RBM6: variants seen among roughly 807,000 people sequenced by gnomAD.
The protein encoded by RBM6 is RNA binding motif protein 6.
In RBM6, 23 loss-of-function variants were observed where a neutral mutation model predicts 140.4. That is an observed-to-expected ratio of 0.16 (90% confidence interval 0.12 to 0.23). The LOEUF (loss-of-function observed/expected upper bound fraction) is 0.23, where lower values mean the gene tolerates loss of function less well. RBM6 is among the 10% of genes least tolerant of loss of function. The pLI, the probability that RBM6 is intolerant of heterozygous loss-of-function variation, is 1.00. For synonymous variants in RBM6, 439 were observed against 475.6 expected, an observed-to-expected ratio of 0.92 and a Z score of 1.00; for missense variants, 1,139 against 1,386.7, an observed-to-expected ratio of 0.82 and a Z score of 2.84.
At chr3:50,019,709 A>G (rs1176356903) in intron 6 of RBM6, among the ~76,000 whole-genome samples, 2 of 152,128 alleles carry the variant, frequency 1.3e-5, no homozygotes, top group Non-Finnish European at 2.9e-5. Flanking sequence ...TAGTGGGAAG[A>G]AAGCATCTAG....
Position 50,066,365 on chromosome 3 carries a change from C to T in RBM6, c.2806C>T (p.Arg936Ter). The T allele has an allele frequency of 6.2e-7, 1 of 1,613,992 alleles. No individual in the cohort carries two copies. The highest frequency in any genetic ancestry group is 8.5e-7 in the Non-Finnish European group (1 of 1,180,026). ...GCCCCGCACAGCACAGCCCCAGAAG[C>T]GAGAGGAGCAAACCAAGAAGGAGAA... ...PQPRTAQPQK[R>*]EEQTKKENEE... Residue 936 changes from arginine to a stop codon, truncating the protein, a stop_gained, in exon 17 of 21, where the codon CGA becomes TGA. Transcript: ENST00000266022. LOFTEE classifies it high-confidence loss of function.
chr3:50,056,840 A>G (rs1177728583), intron 8 of RBM6, among the ~76,000 whole-genome samples: 1 of 152,236 alleles, frequency 6.6e-6, no homozygotes, highest in Non-Finnish European at 1.5e-5. Context: ...TAAATCATTT[A>G]TATTTTGAAG....
chr3:49,960,703 G>A (rs1181478667), intron 1 of RBM6, among the ~76,000 whole-genome samples: 1 of 152,100 alleles, frequency 6.6e-6, no homozygotes. Flanking sequence ...TGTCTTCAAA[G>A]CAATGACTGT....
At chr3:49,979,189 G>A (rs1019989744) in intron 5 of RBM6, among the ~76,000 whole-genome samples, 7 of 152,122 alleles carry the variant, frequency 4.6e-5, no homozygotes, top group Non-Finnish European at 8.8e-5. Context: ...CAAATATTGT[G>A]CAATTCAGTT....
intron 6 of RBM6, among the ~76,000 whole-genome samples, chr3:50,027,186 A>G (rs903677576): frequency 6.6e-6 from 1 of 152,116 alleles, no homozygotes; most frequent in East Asian, 1.9e-4. Context: ...GTGTTCACTT[A>G]GAGGCTTGGG....
chr3:50,027,109 G>A (rs2108811284), intron 6 of RBM6, among the ~76,000 whole-genome samples: 1 of 152,226 alleles, frequency 6.6e-6, no homozygotes, highest in South Asian at 2.1e-4. Flanking sequence ...TAAGAATTGG[G>A]ATGTGATAAG....
rs780585508 is a variant in RBM6 at position 50,058,574 on chromosome 3, C to T, written c.2130+12C>T. The stretch of plus-strand genomic sequence containing the variant: ...TCGACTCCCATGCGGTGAGTTTCCT[C>T]CACCTTGGATTGGCCTAGAGACAGA... On this transcript the variant is annotated intron_variant, in intron 10 of 20. Transcript: ENST00000266022. The T allele has an allele frequency of 6.3e-6, 10 of 1,593,508 alleles. No individual in the cohort carries two copies. Among genetic ancestry groups the T allele is most frequent in the Admixed American group, 1.7e-5 (1 of 59,954 alleles).
At chr3:50,027,345 A>G (rs2087899649) in intron 6 of RBM6, among the ~76,000 whole-genome samples, 1 of 152,178 alleles carries the variant, frequency 6.6e-6, no homozygotes, top group Admixed American at 6.6e-5. Context: ...ATTGAGGTAT[A>G]ATCCACATAA....
At chr3:50,017,792 T>G (rs2087248898) in intron 6 of RBM6, among the ~76,000 whole-genome samples, 1 of 152,210 alleles carries the variant, frequency 6.6e-6, no homozygotes, top group African/African-American at 2.4e-5. Context: ...GCAATTCCAT[T>G]TGTCTGTTTT....
intron 6 of RBM6, among the ~76,000 whole-genome samples, chr3:50,038,187 A>G (rs762432799): frequency 2.6e-5 from 4 of 152,012 alleles, no homozygotes; most frequent in Non-Finnish European, 4.4e-5. Flanking sequence ...TGCCTGGGGA[A>G]TACTGTGCAG....
chr3:49,967,314 AC>A lies in RBM6; in HGVS notation c.45-155del, dbSNP rs1282235365. ...CGCCACTTCGTCTTAAAATAGCAAA[AC>A]TTTGCTGTTTTCTGCAGATCTAGGA... On this transcript the variant is annotated intron_variant, in intron 2 of 20. Coordinates refer to ENST00000266022, the MANE Select transcript of RBM6 (RefSeq NM_005777.3). This position sits in a 1 kb window ranked among gnomAD's most constrained non-coding sequence, Gnocchi z 4.0. The A allele has an allele frequency of 2.4e-5, 34 of 1,417,396 alleles. No individual in the cohort carries two copies. Among genetic ancestry groups the A allele is most frequent in the Middle Eastern group, 2.6e-4 (1 of 3,820 alleles). 87.8% of individuals were successfully genotyped at this position (1,417,396 alleles called of 1,614,324 possible).
intron 5 of RBM6, among the ~76,000 whole-genome samples, chr3:49,984,282 A>C (rs1192064232): frequency 6.6e-6 from 1 of 151,932 alleles, no homozygotes; most frequent in Non-Finnish European, 1.5e-5. Context: ...CAGCATGGGC[A>C]ACAGAGAGAG....
In RBM6 at chr3:49,968,479, G is replaced by A. The variant is rs1428240969; in HGVS notation, c.1054G>A (p.Glu352Lys). 1.9e-6 allele frequency: 3 copies of A among 1,614,192 alleles called. No homozygotes were observed. Among genetic ancestry groups the A allele is most frequent in the East Asian group, 2.2e-5 (1 of 44,886 alleles). Residue 352 changes from glutamate (E) to lysine (K), a missense_variant, in exon 3 of 21, where the codon GAG (glutamate) becomes AAG (lysine). Glu to Lys is a moderately conservative substitution (Grantham distance 56, BLOSUM62 1). Around this residue, in one of 9 missense-constraint regions of RBM6, gnomAD observed 566 missense variants for 612.7 expected, o/e 0.92. Coordinates refer to ENST00000266022, the MANE Select transcript of RBM6 (RefSeq NM_005777.3). ...AACACAAGGTGTAGCCTTTGAACAT[G>A]AGTCTCCAGCAGACTTTCAGAACAG... ...GETQGVAFEHESPADFQNSQS... is the reference protein window; with the variant it reads ...GETQGVAFEHKSPADFQNSQS...
Position 49,967,277 on chromosome 3 carries a change from A to G in RBM6, c.45-193A>G, listed in dbSNP as rs996447090. 2.5e-5 allele frequency: 34 copies of G among 1,374,228 alleles called. No individual in the cohort carries two copies. Among genetic ancestry groups the G allele is most frequent in the Non-Finnish European group, 3.1e-5 (33 of 1,066,598 alleles). 85.1% of individuals were successfully genotyped at this position (1,374,228 alleles called of 1,614,324 possible). A position where few individuals can be genotyped will look rare whatever the true frequency, so the allele number is the denominator to read the frequency against. ...TCCTCGTGTTCTGAAATGGGAGCAT[A>G]AAAGTTTACTCCGCCACTTCGTCTT... On this transcript the variant is annotated intron_variant, in intron 2 of 20. Coordinates refer to ENST00000266022, the MANE Select transcript of RBM6 (RefSeq NM_005777.3). This position sits in a 1 kb window ranked among gnomAD's most constrained non-coding sequence, Gnocchi z 4.0.
At chr3:50,076,812 G>T (rs2090475118) in intron 20 of RBM6, among the ~76,000 whole-genome samples, 196 bp from the exon 21 acceptor site, 1 of 151,796 alleles carries the variant, frequency 6.6e-6, no homozygotes, top group Admixed American at 6.6e-5. Flanking sequence ...TTGAACCGGG[G>T]AGGCAGACTT....
chr3:49,973,423 T>C (rs1212300662), intron 4 of RBM6, among the ~76,000 whole-genome samples: 1 of 152,080 alleles, frequency 6.6e-6, no homozygotes. Context: ...GCTGAGGAAG[T>C]GCTGTGGCCC....
intron 18 of RBM6, 82 bp downstream of exon 18, chr3:50,068,846 T>C: frequency 8.0e-7 from 1 of 1,249,218 alleles, no homozygotes; most frequent in Non-Finnish European, 1.1e-6. Context: ...TGCTGATCCC[T>C]CCTTATAAGA....
chr3:50,057,285 A>G (rs1368498652), intron 8 of RBM6, among the ~76,000 whole-genome samples: 1 of 152,138 alleles, frequency 6.6e-6, no homozygotes, highest in Non-Finnish European at 1.5e-5. Context: ...TATTTCTGAG[A>G]TAATATTAAA....
intron 6 of RBM6, among the ~76,000 whole-genome samples, chr3:50,046,605 G>A (rs1374315821): frequency 6.6e-5 from 10 of 151,404 alleles, no homozygotes; most frequent in Admixed American, 5.3e-4. Context: ...AAAAAAAGGA[G>A]GGGGCGCTTC....
Sources: gnomAD v4.1 joint callset for allele counts (sites outside exome capture counted in the v4.1 genomes callset) on GRCh38, gnomAD v4.1.1 for gene constraint, gnomAD v4.1.1 regional missense constraint, Gnocchi (gnomAD v3.1) non-coding constraint, MANE v1.5 for transcripts, NCBI Gene and HGNC (gene_info 2026-07-23, HGNC 2026-07-21) for gene names.